Variants in BRINP3 observed in about 807,000 individuals in gnomAD.
BRINP3 encodes BMP/retinoic acid inducible neural specific 3.
A neutral mutation model predicts 71.0 loss-of-function variants in BRINP3; 19 were observed. The ratio of observed to expected loss-of-function variants is 0.27; its 90% CI spans 0.19 to 0.39. The LOEUF (loss-of-function observed/expected upper bound fraction) is 0.39. Ranked by LOEUF, BRINP3 falls within the 10% of genes least tolerant of loss-of-function variation. The pLI, the probability that BRINP3 is intolerant of heterozygous loss-of-function variation, is 1.00. For missense variants in BRINP3, 959 were observed against 940.8 expected (o/e 1.02, Z -0.25); for synonymous variants, 380 against 337.7 (o/e 1.13, Z -1.37).
At chr1:190,342,191 C>T (rs1010192175) in intron 2 of BRINP3, among the ~76,000 whole-genome samples, 1 of 151,402 alleles carries the variant, frequency 6.6e-6, no homozygotes, top group African/African-American at 2.4e-5. Context: ...GTCTGGGTCA[C>T]CTGGATAATC....
At chr1:190,472,666 T>A (rs999060917) in intron 1 of BRINP3, among the ~76,000 whole-genome samples, 16 of 151,888 alleles carry the variant, frequency 1.1e-4, no homozygotes, top group African/African-American at 3.4e-4. Context: ...AATCATAGGT[T>A]GATAATGAAA....
chr1:190,296,810 TA>T (rs1348640313), intron 2 of BRINP3, among the ~76,000 whole-genome samples: 5 of 151,692 alleles, frequency 3.3e-5, no homozygotes, highest in Non-Finnish European at 5.9e-5. Flanking sequence ...TGCGATAGCA[TA>T]AAAAAGAATA....
rs145342023 is a variant in BRINP3 at position 190,220,845 on chromosome 1, C to T, written c.961+5237G>A. ...AAAAAAGTTTTCAAGGCATAAATCC[C>T]ACTGGTAAAATTAAGTACAAGGACA... On this transcript the variant is annotated intron_variant, in intron 6 of 7. Transcript: ENST00000367462. Among the ~76,000 whole-genome samples the T allele has an allele frequency of 5.3e-3, 800 of 152,184 alleles. 4 individuals are homozygous for T. The highest frequency in any genetic ancestry group is 0.018 in the African/African-American group (761 of 41,544).
intron 7 of BRINP3, among the ~76,000 whole-genome samples, chr1:190,100,452 C>T (rs1651605149): frequency 6.6e-6 from 1 of 151,990 alleles, no homozygotes; most frequent in South Asian, 2.1e-4. Context: ...ATAACCTGTG[C>T]CCAGTAGAAT....
At chr1:190,118,748 T>G (rs1009339682) in intron 7 of BRINP3, among the ~76,000 whole-genome samples, 28 of 152,200 alleles carry the variant, frequency 1.8e-4, no homozygotes, top group African/African-American at 6.8e-4. Context: ...CTTCAGGCAA[T>G]TAAAACATCA....
intron 3 of BRINP3, among the ~76,000 whole-genome samples, chr1:190,274,570 T>C (rs1346938329): frequency 6.6e-6 from 1 of 151,740 alleles, no homozygotes; most frequent in Non-Finnish European, 1.5e-5. Context: ...ACTTTTGATG[T>C]AGCCTTTTGC....
At chr1:190,250,080 G>A (rs1199673231) in intron 4 of BRINP3, among the ~76,000 whole-genome samples, 2 of 151,822 alleles carry the variant, frequency 1.3e-5, no homozygotes, top group Non-Finnish European at 2.9e-5. Flanking sequence ...ACTTTAAAAT[G>A]TAAAAGTAAT....
At chr1:190,270,357 A>C (rs1471613647) in intron 3 of BRINP3, among the ~76,000 whole-genome samples, 1 of 151,318 alleles carries the variant, frequency 6.6e-6, no homozygotes, top group Non-Finnish European at 1.5e-5. Context: ...ATAAAAATAA[A>C]ATTATATCAA....
chr1:190,234,486 C>A lies in BRINP3; in HGVS notation c.619-9G>T, dbSNP rs771749058. ...GTCCGTGTTTCTGTTACCTGGCAAA[C>A]AAAACATCAACTTTATTATCTAAAT... On this transcript the variant is annotated splice_polypyrimidine_tract_variant and intron_variant, in intron 4 of 7. Transcript: ENST00000367462. 2.5e-6 allele frequency: 4 copies of A among 1,593,236 alleles called. No individual in the cohort carries two copies. Among genetic ancestry groups the A allele is most frequent in the Non-Finnish European group, 3.4e-6 (4 of 1,162,060 alleles).
intron 1 of BRINP3, among the ~76,000 whole-genome samples, chr1:190,457,980 C>G (rs1676119705): frequency 1.3e-5 from 2 of 150,100 alleles, no homozygotes; most frequent in Non-Finnish European, 3.0e-5. Flanking sequence ...AATATGGTTA[C>G]AGTAGTGGAA....
chr1:190,189,861 G>C (rs79826087), intron 6 of BRINP3, among the ~76,000 whole-genome samples: 3,196 of 152,236 alleles, frequency 0.021, 106 homozygotes, highest in African/African-American at 0.073. Context: ...GTAAGATACA[G>C]GTACTTAGAC....
At chr1:190,370,803 G>A (rs1258224325) in intron 2 of BRINP3, among the ~76,000 whole-genome samples, 1 of 152,210 alleles carries the variant, frequency 6.6e-6, no homozygotes, top group African/African-American at 2.4e-5. Context: ...TCTCACTATC[G>A]CTAGATATTT....
At chr1:190,408,309 G>C (rs1049200569) in intron 2 of BRINP3, among the ~76,000 whole-genome samples, 1 of 151,906 alleles carries the variant, frequency 6.6e-6, no homozygotes, top group Non-Finnish European at 1.5e-5. Flanking sequence ...CTCTCAAAGT[G>C]CTGGGATTAC....
intron 2 of BRINP3, among the ~76,000 whole-genome samples, chr1:190,325,057 A>G (rs1229272233): frequency 6.6e-6 from 1 of 151,954 alleles, no homozygotes; most frequent in Non-Finnish European, 1.5e-5. Context: ...AAAACTAAAT[A>G]ATCGGCAGCA....
rs572844386 is a variant in BRINP3, at chr1:190,118,004, G to A, written c.1185-18870C>T. ...TTAATTAATAACATGCACAGCAGAA[G>A]TTGTCACCAAAGGTTTGGTTAGAAC... On this transcript the variant is annotated intron_variant, in intron 7 of 7. Transcript: ENST00000367462. Among the ~76,000 whole-genome samples the A allele has an allele frequency of 3.0e-4, 45 of 152,122 alleles. 1 individual carries two copies. In the South Asian group the frequency reaches 6.0e-3, roughly 20 times the overall value.
intron 6 of BRINP3, among the ~76,000 whole-genome samples, chr1:190,205,423 A>G (rs1050016901): frequency 6.6e-6 from 1 of 152,036 alleles, no homozygotes; most frequent in Non-Finnish European, 1.5e-5. Context: ...TCCATGTACT[A>G]TAGAGGATGA....
intron 2 of BRINP3, among the ~76,000 whole-genome samples, chr1:190,321,088 C>A (rs1666207900): frequency 6.6e-6 from 1 of 151,912 alleles, no homozygotes; most frequent in Non-Finnish European, 1.5e-5. Context: ...AATGATCTTA[C>A]ATTTTTTATG....
intron 2 of BRINP3, among the ~76,000 whole-genome samples, chr1:190,301,198 C>CATAT (rs1390064895): frequency 5.2e-4 from 14 of 26,738 alleles, no homozygotes; most frequent in Non-Finnish European, 8.0e-4. Flanking sequence ...TATATATATA[C>CATAT]ACATACATAT....
At chr1:190,158,565 A>G (rs1308525013) in intron 7 of BRINP3, among the ~76,000 whole-genome samples, 1 of 152,052 alleles carries the variant, frequency 6.6e-6, no homozygotes, top group Non-Finnish European at 1.5e-5. Context: ...GCATCATGCA[A>G]TATACCTATA....
Sources: allele counts gnomAD v4.1 joint callset (sites outside exome capture counted in the v4.1 genomes callset), GRCh38; gene constraint gnomAD v4.1.1; transcripts MANE v1.5; gene names NCBI Gene and HGNC (gene_info 2026-07-23, HGNC 2026-07-21).